FGGY: variants seen among roughly 807,000 people sequenced by gnomAD.
FGGY encodes the protein FGGY carbohydrate kinase domain-containing protein.
In FGGY, 72 loss-of-function variants were observed where a neutral mutation model predicts 71.3. That is an observed-to-expected ratio of 1.01 (90% CI 0.84 to 1.23). The LOEUF (loss-of-function observed/expected upper bound fraction) is 1.23. FGGY is among the 50% of genes most tolerant of loss of function. FGGY has a pLI of 0.00. For synonymous variants in FGGY, 251 were observed against 250.3 expected (o/e 1.00, Z -0.02); for missense variants, 668 against 682.3 (o/e 0.98, Z 0.23).
chr1:59,676,430 C>A (rs1420095881), intron 14 of FGGY, among the ~76,000 whole-genome samples: 1 of 151,476 alleles, frequency 6.6e-6, no homozygotes, highest in East Asian at 1.9e-4. Context: ...CCATAGGTCA[C>A]AAATCAGGAG....
chr1:59,445,924 C>G (rs571566727), intron 5 of FGGY, among the ~76,000 whole-genome samples: 8 of 152,140 alleles, frequency 5.3e-5, no homozygotes, highest in Non-Finnish European at 1.0e-4. Context: ...GAACTTCTGT[C>G]CTGCTCTTTC....
intron 6 of FGGY, among the ~76,000 whole-genome samples, chr1:59,490,823 C>A (rs939765000): frequency 1.3e-5 from 2 of 151,992 alleles, no homozygotes; most frequent in African/African-American, 4.8e-5. Flanking sequence ...TTTCAAAAAT[C>A]AGTTGGCTGT....
intron 6 of FGGY, among the ~76,000 whole-genome samples, chr1:59,472,472 G>A (rs1464213333): frequency 6.6e-5 from 10 of 152,238 alleles, no homozygotes; most frequent in South Asian, 4.1e-4. Flanking sequence ...GAATGCGGGC[G>A]CACGGCGCGG....
intron 4 of FGGY, among the ~76,000 whole-genome samples, chr1:59,366,929 A>T (rs1201645644): frequency 2.3e-4 from 35 of 152,144 alleles, no homozygotes. Context: ...TGAAAGTGTA[A>T]TGCATTTGGG....
intron 5 of FGGY, among the ~76,000 whole-genome samples, chr1:59,418,420 G>T (rs537608403): frequency 6.6e-6 from 1 of 152,084 alleles, no homozygotes; most frequent in Non-Finnish European, 1.5e-5. Context: ...TCTGTGACTG[G>T]TGTTTTGTCC....
At chr1:59,422,931 T>C (rs1395861556) in intron 5 of FGGY, among the ~76,000 whole-genome samples, 1 of 152,190 alleles carries the variant, frequency 6.6e-6, no homozygotes, top group Non-Finnish European at 1.5e-5. Context: ...TTGTATTCAG[T>C]AAAATTAAAG....
intron 14 of FGGY, among the ~76,000 whole-genome samples, chr1:59,746,555 G>A (rs2098199829): frequency 6.6e-6 from 1 of 152,040 alleles, no homozygotes; most frequent in African/African-American, 2.4e-5. Flanking sequence ...TGGCACAATC[G>A]AGGTTCACTT....
chr1:59,364,509 CTCAT>C (rs1378216546), intron 4 of FGGY, among the ~76,000 whole-genome samples: 1 of 152,224 alleles, frequency 6.6e-6, no homozygotes, highest in Admixed American at 6.5e-5. Context: ...CACATGTCTG[CTCAT>C]TCATTCATTT....
intron 5 of FGGY, among the ~76,000 whole-genome samples, chr1:59,417,931 A>G (rs2064752541): frequency 6.6e-6 from 1 of 152,196 alleles, no homozygotes; most frequent in African/African-American, 2.4e-5. Context: ...TGGCTATGTT[A>G]TTGGACAGTT....
At chr1:59,308,553 G>C (rs1282405454) in intron 1 of FGGY, among the ~76,000 whole-genome samples, 1 of 152,154 alleles carries the variant, frequency 6.6e-6, no homozygotes, top group South Asian at 2.1e-4. Flanking sequence ...ATACAATACA[G>C]TGGTTCTCAA....
chr1:59,487,906 A>G (rs930232797), intron 6 of FGGY, among the ~76,000 whole-genome samples: 14 of 151,432 alleles, frequency 9.2e-5, no homozygotes, highest in African/African-American at 3.4e-4. Context: ...TTTTATCTTC[A>G]AAAGCATCTA....
rs142752006 is a variant in FGGY at position 59,620,827 on chromosome 1, C to T, written c.1012-5161C>T. Among the ~76,000 whole-genome samples the T allele has an allele frequency of 6.6e-5, 10 of 152,182 alleles. No homozygotes were observed. The East Asian group carries it at 7.7e-4, about 12-fold the overall frequency. On this transcript the variant is annotated intron_variant, in intron 9 of 15. Coordinates refer to ENST00000303721, the MANE Select transcript of FGGY (RefSeq NM_018291.5). ...TTACCACTCCTATCCCAGCTCTTCA[C>T]GCTGTAGTTTGTGTGTGATATCTAC...
chr1:59,468,428 T>C (rs774768528), intron 6 of FGGY, among the ~76,000 whole-genome samples: 2 of 152,194 alleles, frequency 1.3e-5, no homozygotes, highest in Non-Finnish European at 2.9e-5. Flanking sequence ...CTTTTCTATC[T>C]TAGGAAATAT....
intron 14 of FGGY, among the ~76,000 whole-genome samples, chr1:59,739,201 G>A (rs925337460): frequency 6.6e-6 from 1 of 152,184 alleles, no homozygotes; most frequent in African/African-American, 2.4e-5. Context: ...GTATGCATGA[G>A]TTTATATATT....
chr1:59,462,578 C>G (rs891982943), intron 6 of FGGY, among the ~76,000 whole-genome samples: 5 of 152,134 alleles, frequency 3.3e-5, no homozygotes, highest in African/African-American at 1.2e-4. Context: ...GGCTAATATC[C>G]AGAATCTACA....
At chr1:59,469,750 G>A (rs2092841948) in intron 6 of FGGY, among the ~76,000 whole-genome samples, 1 of 151,900 alleles carries the variant, frequency 6.6e-6, no homozygotes, top group South Asian at 2.1e-4. Flanking sequence ...CCCACCCTTT[G>A]TCCTCCACCC....
chr1:59,628,252 T>C (rs555212864), intron 10 of FGGY, among the ~76,000 whole-genome samples: 2 of 152,326 alleles, frequency 1.3e-5, no homozygotes, highest in African/African-American at 4.8e-5. Flanking sequence ...TCTCCTTTTA[T>C]GAGGCACCGA....
chr1:59,638,447 T>G, intron 11 of FGGY, 72 bp downstream of exon 11: 11 of 1,563,890 alleles, frequency 7.0e-6, no homozygotes, highest in Non-Finnish European at 9.6e-6. Context: ...AGAAGCAAAG[T>G]GAGGAAAAAG....
intron 14 of FGGY, among the ~76,000 whole-genome samples, chr1:59,687,691 A>G (rs912968288): frequency 2.7e-5 from 4 of 150,196 alleles, no homozygotes; most frequent in African/African-American, 9.8e-5. Flanking sequence ...GATGACCTCG[A>G]TCTCCTGACC....
Sources: allele counts gnomAD v4.1 joint callset (sites outside exome capture counted in the v4.1 genomes callset), GRCh38; gene constraint gnomAD v4.1.1; transcripts MANE v1.5; gene names NCBI Gene and HGNC (gene_info 2026-07-23, HGNC 2026-07-21).